Variants in CAMTA1 observed in about 807,000 individuals in gnomAD.
CAMTA1 encodes calmodulin-binding transcription activator 1.
A neutral mutation model predicts 170.9 loss-of-function variants in CAMTA1; 27 were observed. That is an observed-to-expected ratio of 0.16 (90% CI 0.12 to 0.22). CAMTA1 has a LOEUF of 0.22. Ranked by LOEUF, CAMTA1 falls within the 10% of genes least tolerant of loss-of-function variation. The pLI is 1.00. For missense variants in CAMTA1, 1,619 were observed against 2,217.2 expected (o/e 0.73, Z 5.42); for synonymous variants, 833 against 891.5 (o/e 0.93, Z 1.17).
At chr1:7,538,306 A>C (rs1270041928) in intron 6 of CAMTA1, among the ~76,000 whole-genome samples, 1 of 152,160 alleles carries the variant, frequency 6.6e-6, no homozygotes, top group Non-Finnish European at 1.5e-5. Context: ...GCCAGGTCAC[A>C]GGCTGTCTCC....
chr1:7,027,598 A>G (rs1299202105), intron 3 of CAMTA1, among the ~76,000 whole-genome samples: 1 of 152,192 alleles, frequency 6.6e-6, no homozygotes, highest in African/African-American at 2.4e-5. Flanking sequence ...ACCTGGCCTA[A>G]AGGACATCTG....
At chr1:6,884,291 GACAC>G (rs112571156) in intron 3 of CAMTA1, among the ~76,000 whole-genome samples, 2,456 of 136,632 alleles carry the variant, frequency 0.018, 46 homozygotes, top group African/African-American at 0.051. Flanking sequence ...ATTCTCTAGA[GACAC>G]ACACACACAC....
Position 7,737,438 on chromosome 1 carries a change from C to G in CAMTA1, c.3526C>G (p.Gln1176Glu). 1 of 1,614,154 alleles carries G rather than the reference C, an allele frequency of 6.2e-7. No individual in the cohort carries two copies. The highest frequency in any genetic ancestry group is 8.5e-7 in the Non-Finnish European group (1 of 1,179,988). Residue 1176 changes from glutamine to glutamate, a missense_variant, in exon 15 of 23, where the codon CAG becomes GAG. Around this residue, in one of 8 missense-constraint regions of CAMTA1, gnomAD observed 370 missense variants for 429.4 expected, o/e 0.86. Coordinates refer to ENST00000303635, the MANE Select transcript of CAMTA1 (RefSeq NM_015215.4). ...GAGAGATGAGCAGGCTCAGCTGGGACAGAACCCCAGAATCCACTGTCCTGC... is the reference window on the plus strand; with the variant it reads ...GAGAGATGAGCAGGCTCAGCTGGGAGAGAACCCCAGAATCCACTGTCCTGC... ...LQRDEQAQLG[Q>E]NPRIHCPASE...
At chr1:7,670,780 G>C in intron 9 of CAMTA1, 131 bp from the exon 10 acceptor site, 1 of 994,258 alleles carries the variant, frequency 1.0e-6, no homozygotes, top group Admixed American at 2.2e-5. Context: ...CCTGGAGTGA[G>C]GGCCTGGGAA....
intron 3 of CAMTA1, among the ~76,000 whole-genome samples, chr1:6,898,221 C>T (rs1424470161): frequency 1.3e-5 from 2 of 152,102 alleles, no homozygotes; most frequent in African/African-American, 4.8e-5. Flanking sequence ...TTACTAGATC[C>T]ATCTGTTGCC....
intron 5 of CAMTA1, among the ~76,000 whole-genome samples, chr1:7,277,456 G>GGTGTGTGTGTGTGTGTGTGTGT (rs57970990): frequency 7.4e-6 from 1 of 135,324 alleles, no homozygotes; most frequent in Non-Finnish European, 1.6e-5. Flanking sequence ...TCCAAGCAAT[G>GGTGTGTGTGTGTGTGTGTGTGT]GTGTGTGTGT....
At chr1:7,590,434 C>A (rs1383548308) in intron 6 of CAMTA1, among the ~76,000 whole-genome samples, 5 of 152,228 alleles carry the variant, frequency 3.3e-5, no homozygotes, top group Admixed American at 2.6e-4. Flanking sequence ...CACAATATAA[C>A]CAGGCCCCGC....
intron 6 of CAMTA1, among the ~76,000 whole-genome samples, chr1:7,630,168 C>A (rs377447319): frequency 1.3e-5 from 2 of 152,230 alleles, no homozygotes; most frequent in African/African-American, 4.8e-5. Flanking sequence ...AAGTCCTCCC[C>A]TCCCGGGCAG....
At chr1:7,157,427 T>C (rs1186210575) in intron 4 of CAMTA1, among the ~76,000 whole-genome samples, 2 of 151,520 alleles carry the variant, frequency 1.3e-5, no homozygotes, top group African/African-American at 2.4e-5. Context: ...AAGAGCCCAT[T>C]CTTAATCTGA....
At chr1:6,910,690 C>T (rs973914485) in intron 3 of CAMTA1, among the ~76,000 whole-genome samples, 1 of 152,154 alleles carries the variant, frequency 6.6e-6, no homozygotes, top group African/African-American at 2.4e-5. Context: ...GTTTATAGAG[C>T]GCAGCAAACA....
intron 6 of CAMTA1, among the ~76,000 whole-genome samples, chr1:7,603,882 TA>T (rs2095465963): frequency 6.6e-6 from 1 of 152,232 alleles, no homozygotes; most frequent in Admixed American, 6.5e-5. Context: ...GGCCTGGTGG[TA>T]ACAAAATCTC....
Position 7,736,340 on chromosome 1 carries a change from A to G in CAMTA1, c.3067-4A>G, listed in dbSNP as rs369462508. The G allele has an allele frequency of 1.1e-5, 18 of 1,613,376 alleles. No individual in the cohort carries two copies. In the African/African-American group the frequency reaches 1.7e-4, roughly 16 times the overall value. ...AGGTCGTAACGTGCGCTTTTTTGTG[A>G]CAGTGTGCTTCTGGGACTGGGGCCT... On this transcript the variant is annotated splice_polypyrimidine_tract_variant and splice_region_variant and intron_variant, in intron 12 of 22. Coordinates refer to ENST00000303635, the MANE Select transcript of CAMTA1 (RefSeq NM_015215.4). The surrounding 1 kb of genome is among the most constrained non-coding windows in gnomAD (Gnocchi z 4.5).
chr1:7,345,756 G>C (rs2084176363), intron 5 of CAMTA1, among the ~76,000 whole-genome samples: 1 of 152,212 alleles, frequency 6.6e-6, no homozygotes, highest in Admixed American at 6.5e-5. Context: ...CTTCATGCCT[G>C]AGAGTCAGCA....
At chr1:7,581,732 G>C (rs2095262565) in intron 6 of CAMTA1, among the ~76,000 whole-genome samples, 1 of 152,234 alleles carries the variant, frequency 6.6e-6, no homozygotes, top group Non-Finnish European at 1.5e-5. Flanking sequence ...TCTGGCACTG[G>C]GAGGCTGCTA....
chr1:7,504,980 G>A (rs1216862473), intron 6 of CAMTA1, among the ~76,000 whole-genome samples: 1 of 149,090 alleles, frequency 6.7e-6, no homozygotes, highest in Admixed American at 6.6e-5. Flanking sequence ...CTGGGCAGGA[G>A]GAGTTCAGTG....
chr1:7,525,093 G>A (rs1489482832), intron 6 of CAMTA1, among the ~76,000 whole-genome samples: 6 of 152,290 alleles, frequency 3.9e-5, no homozygotes, highest in East Asian at 3.9e-4. Flanking sequence ...CCCCCGTCGC[G>A]CTGCATGAGA....
At chr1:7,613,555 A>G (rs868174346) in intron 6 of CAMTA1, among the ~76,000 whole-genome samples, 2 of 152,168 alleles carry the variant, frequency 1.3e-5, no homozygotes, top group South Asian at 4.1e-4. Context: ...TGTTTATGGC[A>G]TGGTCCTTGC....
At chr1:7,337,989 A>G (rs1267813770) in intron 5 of CAMTA1, among the ~76,000 whole-genome samples, 1 of 151,224 alleles carries the variant, frequency 6.6e-6, no homozygotes, top group Non-Finnish European at 1.5e-5. Flanking sequence ...ATATGTGTAT[A>G]TATACTATAT....
intron 19 of CAMTA1, 139 bp downstream of exon 19, chr1:7,747,920 AT>A (rs1464181215): frequency 5.6e-3 from 1,863 of 334,756 alleles, no homozygotes; most frequent in South Asian, 9.4e-3. Flanking sequence ...TTTTTTTTTT[AT>A]TTTTTTTTTG....
Sources: gnomAD v4.1 joint callset for allele counts (sites outside exome capture counted in the v4.1 genomes callset) on GRCh38, gnomAD v4.1.1 for gene constraint, gnomAD v4.1.1 regional missense constraint, Gnocchi (gnomAD v3.1) non-coding constraint, MANE v1.5 for transcripts, NCBI Gene and HGNC (gene_info 2026-07-23, HGNC 2026-07-21) for gene names.